Variants in SGMS1 observed in about 807,000 individuals in gnomAD.
SGMS1 encodes phosphatidylcholine:ceramide cholinephosphotransferase 1.
Under a neutral mutation model 46.2 loss-of-function variants are expected in SGMS1, and 13 were observed. The observed-to-expected ratio is 0.28, with a 90% CI of 0.18 to 0.45. The LOEUF is 0.45. Ranked by LOEUF, SGMS1 falls within the 20% of genes least tolerant of loss-of-function variation. SGMS1 has a pLI of 1.00. For missense variants in SGMS1, 324 were observed against 519.9 expected (o/e 0.62, Z 3.66); for synonymous variants, 203 against 187.8 (o/e 1.08, Z -0.66).
intron 6 of SGMS1, among the ~76,000 whole-genome samples, chr10:50,416,963 A>G (rs1038508761): frequency 2.6e-5 from 4 of 151,788 alleles, no homozygotes; most frequent in African/African-American, 9.7e-5. Context: ...CACAGTCTCT[A>G]TCTTCATAAA....
intron 6 of SGMS1, among the ~76,000 whole-genome samples, chr10:50,428,346 A>T (rs1849357228): frequency 6.6e-6 from 1 of 152,194 alleles, no homozygotes; most frequent in Non-Finnish European, 1.5e-5. Flanking sequence ...AATTATTGTC[A>T]CTGACATTTC....
chr10:50,391,840 T>TAAAAAAAAAAAA (rs146392084), intron 6 of SGMS1, among the ~76,000 whole-genome samples: 1 of 123,520 alleles, frequency 8.1e-6, no homozygotes. Flanking sequence ...ATGCAATCAT[T>TAAAAAAAAAAAA]AAAAAAAAAA....
In SGMS1 at chr10:50,343,693, TAAAG is replaced by T; in HGVS notation, c.418_421del (p.Leu140MetfsTer11). 6.2e-7 allele frequency: 1 copy of T among 1,614,130 alleles called. No homozygotes were observed. The highest frequency in any genetic ancestry group is 8.5e-7 in the Non-Finnish European group (1 of 1,180,024). ...GGTGAGAACGAAACAGGAAAGTGCATAAAGAAAGGCCAGAAAAGTCTTGCCCCAC... is the reference window on the plus strand; with the variant it reads ...GGTGAGAACGAAACAGGAAAGTGCATAAAGGCCAGAAAAGTCTTGCCCCAC... On this transcript the variant is annotated frameshift_variant, in exon 7 of 11. Coordinates refer to ENST00000361781, the MANE Select transcript of SGMS1 (RefSeq NM_147156.4). LOFTEE classifies it high-confidence loss of function.
At chr10:50,484,949 G>C (rs1837507159) in intron 3 of SGMS1, among the ~76,000 whole-genome samples, 1 of 152,078 alleles carries the variant, frequency 6.6e-6, no homozygotes, top group African/African-American at 2.4e-5. Context: ...ATACTGAATG[G>C]GCAAAAGCTG....
chr10:50,309,483 T>C (rs751056934), intron 9 of SGMS1, among the ~76,000 whole-genome samples: 2 of 152,298 alleles, frequency 1.3e-5, no homozygotes, highest in East Asian at 3.9e-4. Context: ...CATTGCCTTA[T>C]TGTCAAGATG....
In SGMS1 at chr10:50,313,003, GA is replaced by G. The variant is rs1440541782; in HGVS notation, c.742-1589del. On this transcript the variant is annotated intron_variant, in intron 8 of 10. Coordinates refer to ENST00000361781, the MANE Select transcript of SGMS1 (RefSeq NM_147156.4). ...TAACTTGGGGGTGAGTAAGTGCAAAGAAAACTACTAAAGCAAAAAACCAAGG... is the reference window on the plus strand; with the variant it reads ...TAACTTGGGGGTGAGTAAGTGCAAAGAAACTACTAAAGCAAAAAACCAAGG... 3.3e-5 allele frequency among the ~76,000 whole-genome samples: 5 copies of G among 152,224 alleles called. No individual in the cohort carries two copies. The East Asian group carries it at 7.7e-4, about 24-fold the overall frequency.
intron 1 of SGMS1, among the ~76,000 whole-genome samples, chr10:50,603,665 A>G (rs1219085994): frequency 6.6e-6 from 1 of 152,266 alleles, no homozygotes; most frequent in Non-Finnish European, 1.5e-5. Flanking sequence ...CACTGCAGTC[A>G]TCAAAGAAAC....
chr10:50,418,195 G>C (rs1264718619), intron 6 of SGMS1: 2 of 152,130 alleles, frequency 1.3e-5, no homozygotes, highest in Non-Finnish European at 1.5e-5. Flanking sequence ...TGAGCGGCGC[G>C]CAGACCCCGG....
chr10:50,463,004 C>T (rs992648078), intron 4 of SGMS1, among the ~76,000 whole-genome samples: 10 of 151,758 alleles, frequency 6.6e-5, no homozygotes, highest in African/African-American at 2.2e-4. Flanking sequence ...TTACCCCACA[C>T]CATAAATTAA....
chr10:50,360,863 A>G (rs575282789), intron 6 of SGMS1, among the ~76,000 whole-genome samples: 2 of 152,322 alleles, frequency 1.3e-5, no homozygotes, highest in Admixed American at 1.3e-4. Context: ...GAATAAAAAT[A>G]TTGCATGTGC....
At chr10:50,404,647 T>C (rs949357678) in intron 6 of SGMS1, among the ~76,000 whole-genome samples, 1 of 152,168 alleles carries the variant, frequency 6.6e-6, no homozygotes. Flanking sequence ...AATTTGGTGA[T>C]GTTTATCAAA....
At position 50,470,078 on chromosome 10, in the gene SGMS1, C is replaced by T. The variant is rs116958853; in HGVS notation, c.-497-3146G>A. 5.1e-4 allele frequency among the ~76,000 whole-genome samples: 78 copies of T among 152,262 alleles called. 2 individuals carry two copies. The East Asian group carries it at 0.013, about 25-fold the overall frequency. The stretch of plus-strand genomic sequence containing the variant: ...ACTGCCATTGTCTGCTATGGACACA[C>T]GATGTGGAAATTGCAGCAGGCATGC... On this transcript the variant is annotated intron_variant, in intron 3 of 10. Coordinates refer to ENST00000361781, the MANE Select transcript of SGMS1 (RefSeq NM_147156.4).
At chr10:50,407,551 C>T (rs1849032344) in intron 6 of SGMS1, among the ~76,000 whole-genome samples, 1 of 152,102 alleles carries the variant, frequency 6.6e-6, no homozygotes, top group African/African-American at 2.4e-5. Flanking sequence ...TCCAATTGTC[C>T]CTTCAACCTG....
At position 50,491,624 on chromosome 10, in the gene SGMS1, T is replaced by C. The variant is rs185326830; in HGVS notation, c.-497-24692A>G. Among the ~76,000 whole-genome samples the C allele has an allele frequency of 2.3e-4, 35 of 152,170 alleles. 1 individual carries two copies. The highest frequency in any genetic ancestry group is 1.9e-3 in the East Asian group (10 of 5,178). Reference sequence around the variant, plus strand: ...CTCCCAAGATTGAGTTGGGAAGAAATTGAATCCCTGAACAGACCAATAACG... The same window carrying C: ...CTCCCAAGATTGAGTTGGGAAGAAACTGAATCCCTGAACAGACCAATAACG... On this transcript the variant is annotated intron_variant, in intron 3 of 10. Transcript: ENST00000361781.
intron 6 of SGMS1, among the ~76,000 whole-genome samples, chr10:50,416,784 T>G (rs1400032950): frequency 6.7e-6 from 1 of 149,208 alleles, no homozygotes; most frequent in Non-Finnish European, 1.5e-5. Flanking sequence ...CAAATTATTT[T>G]AATTATTCCA....
chr10:50,316,517 A>G (rs1847340454), intron 8 of SGMS1, among the ~76,000 whole-genome samples: 1 of 152,216 alleles, frequency 6.6e-6, no homozygotes, highest in Admixed American at 6.5e-5. Flanking sequence ...CTTGATACAT[A>G]CAAAGGAACT....
intron 2 of SGMS1, among the ~76,000 whole-genome samples, chr10:50,561,273 A>G (rs1838234162): frequency 6.6e-6 from 1 of 152,198 alleles, no homozygotes; most frequent in Admixed American, 6.5e-5. Flanking sequence ...ACTCATTACA[A>G]TACCAAAACA....
chr10:50,413,085 C>G (rs1160496013), intron 6 of SGMS1, among the ~76,000 whole-genome samples: 1 of 152,026 alleles, frequency 6.6e-6, no homozygotes, highest in Non-Finnish European at 1.5e-5. Flanking sequence ...TTCTATTAAC[C>G]TGGAAAATGT....
At chr10:50,497,040 C>T (rs1255186693) in intron 3 of SGMS1, among the ~76,000 whole-genome samples, 1 of 152,178 alleles carries the variant, frequency 6.6e-6, no homozygotes, top group Non-Finnish European at 1.5e-5. Context: ...GTAAAGTCAT[C>T]CTCCACCCTT....
Sources: gnomAD v4.1 joint callset for allele counts (sites outside exome capture counted in the v4.1 genomes callset) on GRCh38, gnomAD v4.1.1 for gene constraint, MANE v1.5 for transcripts, NCBI Gene and HGNC (gene_info 2026-07-23, HGNC 2026-07-21) for gene names.